SQOR: variants seen among roughly 807,000 people sequenced by gnomAD.
SQOR encodes the protein sulfide quinone oxidoreductase.
SQOR carries 39 observed loss-of-function variants against 48.6 expected under a neutral mutation model. The observed-to-expected ratio is 0.80, with a 90% CI of 0.62 to 1.05. The LOEUF (loss-of-function observed/expected upper bound fraction) is 1.05, where lower values mean the gene tolerates loss of function less well. SQOR is among the 50% of genes least tolerant of loss of function. SQOR has a pLI of 0.00. For synonymous variants in SQOR, 220 were observed against 206.2 expected (o/e 1.07, Z -0.57); for missense variants, 561 against 559.9 (o/e 1.00, Z -0.02).
intron 1 of SQOR, among the ~76,000 whole-genome samples, chr15:45,654,498 T>A (rs1889558946): frequency 6.6e-6 from 1 of 152,186 alleles, no homozygotes; most frequent in Admixed American, 6.5e-5. Flanking sequence ...AGGCTATGGA[T>A]AATTAATGAA....
At position 45,676,323 on chromosome 15, in the gene SQOR, G is replaced by A. The variant is rs756246392; in HGVS notation, c.864+13G>A. 5 of 1,613,258 alleles carry A rather than the reference G, an allele frequency of 3.1e-6. No homozygotes were observed. Among genetic ancestry groups the A allele is most frequent in the Admixed American group, 1.7e-5 (1 of 59,882 alleles). On this transcript the variant is annotated intron_variant, in intron 6 of 9. Transcript: ENST00000260324. ...CCAAGTGATTTCAGTGAGTGGTGAG[G>A]CTAAGCTGTCAGCATGAAGCGTTGT...
rs1323715072 is a variant in SQOR, at chr15:45,688,976, T to C, written c.1117-63T>C. ...CACTCACAGCAAATAATAAATTCTA[T>C]AGTGTTAATATAGTACCATGAAAAA... On this transcript the variant is annotated intron_variant, in intron 8 of 9. Coordinates refer to ENST00000260324, the MANE Select transcript of SQOR (RefSeq NM_021199.4). 6 of 1,322,858 alleles carry C rather than the reference T, an allele frequency of 4.5e-6. No individual in the cohort carries two copies. In the African/African-American group the frequency reaches 7.4e-5, roughly 16 times the overall value. The allele number at this position is 1,322,858 out of a possible 1,614,324, so 81.9% of individuals were successfully genotyped here.
chr15:45,640,505 G>A (rs1216661457), intron 1 of SQOR, among the ~76,000 whole-genome samples: 1 of 152,106 alleles, frequency 6.6e-6, no homozygotes, highest in African/African-American at 2.4e-5. Context: ...GACGTGAGCT[G>A]TCTACACCTC....
intron 7 of SQOR, among the ~76,000 whole-genome samples, chr15:45,685,493 G>A (rs1890207115): frequency 6.6e-6 from 1 of 152,176 alleles, no homozygotes; most frequent in Non-Finnish European, 1.5e-5. Flanking sequence ...GCTAAGATCA[G>A]GATGTGGCAT....
At chr15:45,654,617 T>A (rs1889560948) in intron 1 of SQOR, among the ~76,000 whole-genome samples, 1 of 152,122 alleles carries the variant, frequency 6.6e-6, no homozygotes, top group Non-Finnish European at 1.5e-5. Flanking sequence ...AGTGGCTACA[T>A]TGACTGGCGT....
intron 1 of SQOR, among the ~76,000 whole-genome samples, chr15:45,656,154 C>T (rs749687202): frequency 1.3e-5 from 2 of 152,138 alleles, no homozygotes; most frequent in African/African-American, 2.4e-5. Context: ...GGCTATATAA[C>T]TTTGAGAGTC....
chr15:45,676,411 T>C, intron 6 of SQOR, 101 bp downstream of exon 6: 1 of 1,172,940 alleles, frequency 8.5e-7, no homozygotes, highest in Non-Finnish European at 1.2e-6. Flanking sequence ...CATTGTGTGC[T>C]GGGGAAGACT....
chr15:45,676,812 A>AG (rs1231331955), intron 6 of SQOR, among the ~76,000 whole-genome samples: 1 of 152,188 alleles, frequency 6.6e-6, no homozygotes, highest in Non-Finnish European at 1.5e-5. Flanking sequence ...AGGCCAAGGC[A>AG]GGTGGATCAC....
intron 6 of SQOR, among the ~76,000 whole-genome samples, chr15:45,679,179 A>G (rs1247866070): frequency 2.0e-5 from 3 of 152,250 alleles, no homozygotes; most frequent in Admixed American, 6.5e-5. Context: ...ATAGGATTTC[A>G]GGTCAGATAT....
chr15:45,649,119 A>C (rs35394591), intron 1 of SQOR, among the ~76,000 whole-genome samples: 24,059 of 152,236 alleles, frequency 0.16, 2,092 homozygotes, highest in Non-Finnish European at 0.18. Flanking sequence ...GTCATGTGAC[A>C]TAAGATTAGG....
chr15:45,663,302 G>A (rs1358643156), intron 3 of SQOR, among the ~76,000 whole-genome samples: 1 of 152,116 alleles, frequency 6.6e-6, no homozygotes, highest in Non-Finnish European at 1.5e-5. Context: ...ATAGGGGTGA[G>A]CCATTGTGCC....
At chr15:45,685,390 CA>C (rs1249660203) in intron 7 of SQOR, among the ~76,000 whole-genome samples, 1 of 152,202 alleles carries the variant, frequency 6.6e-6, no homozygotes, top group African/African-American at 2.4e-5. Flanking sequence ...GAGCGAGACC[CA>C]TCTTGCCATG....
chr15:45,676,449 T>C, intron 6 of SQOR, 139 bp downstream of exon 6: 1 of 915,036 alleles, frequency 1.1e-6, no homozygotes, highest in Non-Finnish European at 1.6e-6. Flanking sequence ...TAGGGAAGTG[T>C]TAGGGCAAGA....
At position 45,688,406 on chromosome 15, in the gene SQOR, T is replaced by C. The variant is rs1465120127; in HGVS notation, c.1116+2T>C. ...AAGAATCAAACACCAACAAAGAAGG[T>C]TTGTATGCCTTGTAAGAATCACTGT... On this transcript the variant is annotated splice_donor_variant, in intron 8 of 9. Transcript: ENST00000260324. LOFTEE classifies it high-confidence loss of function. The C allele has an allele frequency of 1.9e-6, 3 of 1,590,494 alleles. No individual in the cohort carries two copies. Among genetic ancestry groups the C allele is most frequent in the Non-Finnish European group, 2.6e-6 (3 of 1,164,534 alleles).
At chr15:45,660,983 G>T (rs778040820) in intron 2 of SQOR, among the ~76,000 whole-genome samples, 1 of 152,034 alleles carries the variant, frequency 6.6e-6, no homozygotes, top group Non-Finnish European at 1.5e-5. Flanking sequence ...AACTAACTTA[G>T]ATCAAGAATG....
intron 2 of SQOR, among the ~76,000 whole-genome samples, chr15:45,660,511 C>T (rs1889699813): frequency 1.3e-5 from 2 of 152,154 alleles, no homozygotes; most frequent in Non-Finnish European, 2.9e-5. Flanking sequence ...CTTCTGGGAC[C>T]TGGGCACAAT....
intron 7 of SQOR, among the ~76,000 whole-genome samples, chr15:45,685,326 C>T (rs374208523): frequency 6.6e-6 from 1 of 152,204 alleles, no homozygotes; most frequent in East Asian, 1.9e-4. Context: ...TTCCACAAAT[C>T]TGTCCTTGGG....
At chr15:45,663,619 T>C (rs996693597) in intron 3 of SQOR, among the ~76,000 whole-genome samples, 1 of 151,896 alleles carries the variant, frequency 6.6e-6, no homozygotes, top group Non-Finnish European at 1.5e-5. Context: ...AATTAAGACA[T>C]TAGCTAGGTG....
chr15:45,664,449 C>G (rs1889776379), intron 3 of SQOR, among the ~76,000 whole-genome samples: 1 of 152,058 alleles, frequency 6.6e-6, no homozygotes, highest in African/African-American at 2.4e-5. Context: ...CCCCCATCCT[C>G]ATGTCCCTCA....
Sources: gnomAD v4.1 joint callset for allele counts (sites outside exome capture counted in the v4.1 genomes callset) on GRCh38, gnomAD v4.1.1 for gene constraint, MANE v1.5 for transcripts, NCBI Gene and HGNC (gene_info 2026-07-23, HGNC 2026-07-21) for gene names.